The following SAMD4A variants were observed in gnomAD, a reference collection of about 807,000 sequenced individuals.
The protein encoded by SAMD4A is protein Smaug homolog 1.
A neutral mutation model predicts 81.3 loss-of-function variants in SAMD4A; 33 were observed. The ratio of observed to expected loss-of-function variants is 0.41; its 90% CI spans 0.31 to 0.54. The LOEUF (loss-of-function observed/expected upper bound fraction) is 0.54, where lower values mean the gene tolerates loss of function less well. SAMD4A is among the 20% of genes least tolerant of loss of function. The probability of loss-of-function intolerance (pLI) is 0.37; values close to 1 mark genes in which losing one functional copy is unlikely to be tolerated. For synonymous variants in SAMD4A, 389 were observed against 382.1 expected (o/e 1.02, Z -0.21); for missense variants, 854 against 951.1 (o/e 0.90, Z 1.34).
chr14:54,599,399 C>T (rs1301003612), intron 2 of SAMD4A, among the ~76,000 whole-genome samples: 1 of 152,120 alleles, frequency 6.6e-6, no homozygotes, highest in Non-Finnish European at 1.5e-5. Flanking sequence ...ACCTGAGCAC[C>T]TTATTTTTTC....
At chr14:54,763,890 G>C (rs144590558) in intron 7 of SAMD4A, among the ~76,000 whole-genome samples, 1 of 152,162 alleles carries the variant, frequency 6.6e-6, no homozygotes, top group African/African-American at 2.4e-5. Context: ...GCCTGCGCCT[G>C]TGTGTGCATA....
rs1244022043 is a variant in SAMD4A, at chr14:54,784,683, A to T, written c.2128+63A>T. 28 of 1,424,620 alleles carry T rather than the reference A, an allele frequency of 2.0e-5. No individual in the cohort carries two copies. The South Asian group carries it at 2.9e-4, about 15-fold the overall frequency. 88.2% of individuals were successfully genotyped at this position (1,424,620 alleles called of 1,614,324 possible). ...TACCGTGTGCCTGGGAGAACTGGCC[A>T]TCTGCTGTCTATACCGTGGCAGGAG... On this transcript the variant is annotated intron_variant, in intron 12 of 12. Transcript: ENST00000554335.
intron 2 of SAMD4A, among the ~76,000 whole-genome samples, chr14:54,683,417 C>T (rs1838316426): frequency 6.6e-6 from 1 of 152,180 alleles, no homozygotes; most frequent in South Asian, 2.1e-4. Flanking sequence ...AGGAAAAATG[C>T]TGGTCATGAG....
chr14:54,655,859 A>G (rs1445120601), intron 2 of SAMD4A, among the ~76,000 whole-genome samples: 1 of 152,204 alleles, frequency 6.6e-6, no homozygotes, highest in Non-Finnish European at 1.5e-5. Context: ...TTTCACCACC[A>G]TTTTATCATC....
At chr14:54,684,639 A>G (rs1299606461) in intron 2 of SAMD4A, among the ~76,000 whole-genome samples, 1 of 121,934 alleles carries the variant, frequency 8.2e-6, no homozygotes, top group East Asian at 2.9e-4. Flanking sequence ...GAAACGGGAA[A>G]CCTATGGAAA....
chr14:54,590,618 T>C (rs2033748982), intron 2 of SAMD4A, among the ~76,000 whole-genome samples: 1 of 152,212 alleles, frequency 6.6e-6, no homozygotes, highest in Non-Finnish European at 1.5e-5. Flanking sequence ...TCTCCTCTCT[T>C]CTCCTCTCCT....
At chr14:54,662,815 C>T (rs186766408) in intron 2 of SAMD4A, among the ~76,000 whole-genome samples, 24 of 152,212 alleles carry the variant, frequency 1.6e-4, no homozygotes, top group African/African-American at 3.4e-4. Context: ...TATGGCCCTG[C>T]GATTCCTACA....
At chr14:54,620,355 GCATCATCAT>G (rs34908548) in intron 2 of SAMD4A, among the ~76,000 whole-genome samples, 3 of 150,952 alleles carry the variant, frequency 2.0e-5, no homozygotes, top group Non-Finnish European at 4.4e-5. Flanking sequence ...CCATGTTGGA[GCATCATCAT>G]CATCATCATC....
upstream of SAMD4A, among the ~76,000 whole-genome samples, chr14:54,565,944 C>A (rs1449449021): frequency 6.6e-6 from 1 of 151,940 alleles, no homozygotes; most frequent in Non-Finnish European, 1.5e-5. This position sits in a 1 kb window ranked among gnomAD's most constrained non-coding sequence, Gnocchi z 5.4. Flanking sequence ...AGGAATCCGT[C>A]CCCCCGCCCT....
intron 2 of SAMD4A, among the ~76,000 whole-genome samples, chr14:54,626,076 G>GCA (rs1491402502): frequency 3.5e-5 from 5 of 141,752 alleles, no homozygotes; most frequent in South Asian, 2.2e-4. Context: ...GCGCGCGCGC[G>GCA]AGTGCGCACA....
At position 54,792,894 on chromosome 14, in the gene SAMD4A, T is replaced by C. The variant is rs2039283200; in HGVS notation, c.*3950T>C. 6.6e-6 allele frequency: 1 copy of C among 152,206 alleles called. No homozygotes were observed. Among genetic ancestry groups the C allele is most frequent in the South Asian group, 2.1e-4 (1 of 4,832 alleles). 9.4% of individuals were successfully genotyped at this position (152,206 alleles called of 1,614,324 possible). On this transcript the variant is annotated 3_prime_UTR_variant, in exon 13 of 13. Coordinates refer to ENST00000554335, the MANE Select transcript of SAMD4A (RefSeq NM_015589.6). ...TATATAATCCTCATGTATTTATGCCTAATGTAAGCTGACTTTTAAAAAGCT... is the reference window on the plus strand; with the variant it reads ...TATATAATCCTCATGTATTTATGCCCAATGTAAGCTGACTTTTAAAAAGCT...
intron 2 of SAMD4A, among the ~76,000 whole-genome samples, chr14:54,659,102 C>A (rs545773002): frequency 2.0e-5 from 3 of 152,214 alleles, no homozygotes; most frequent in Non-Finnish European, 4.4e-5. Flanking sequence ...AGTACTATAT[C>A]CTGTTTCTGA....
At position 54,619,062 on chromosome 14, in the gene SAMD4A, C is replaced by A. The variant is rs149684079; in HGVS notation, c.196+50950C>A. Among the ~76,000 whole-genome samples, 3 of 152,028 alleles carry A rather than the reference C, an allele frequency of 2.0e-5. 1 individual carries two copies. In the East Asian group the frequency reaches 5.8e-4, roughly 29 times the overall value. On this transcript the variant is annotated intron_variant, in intron 2 of 12. Transcript: ENST00000554335. Reference sequence around the variant, plus strand: ...TGTTTTGAGGGTAAATTTATAGAATCATTTCCAATGTGTAGACAACTGCCA... The same window carrying A: ...TGTTTTGAGGGTAAATTTATAGAATAATTTCCAATGTGTAGACAACTGCCA...
rs1323904804 is a variant in SAMD4A, at chr14:54,790,681, T to TGTGG, written c.*1740_*1741insGGTG. The TGTGG allele has an allele frequency of 2.1e-5, 3 of 145,204 alleles. No homozygotes were observed. Among genetic ancestry groups the TGTGG allele is most frequent in the African/African-American group, 7.5e-5 (3 of 39,750 alleles). The allele number at this position is 145,204 out of a possible 1,614,324, so 9.0% of individuals were successfully genotyped here. A position where few individuals can be genotyped will look rare whatever the true frequency, so the allele number is the denominator to read the frequency against. ...TGAGTCGGGTGCCTGGTTGTGTGTG[T>TGTGG]GTGTGTGTGTGTGTGTGTGTGTGTG... On this transcript the variant is annotated 3_prime_UTR_variant, in exon 13 of 13. Transcript: ENST00000554335.
At chr14:54,596,462 G>A (rs2033913902) in intron 2 of SAMD4A, among the ~76,000 whole-genome samples, 1 of 152,182 alleles carries the variant, frequency 6.6e-6, no homozygotes, top group Non-Finnish European at 1.5e-5. Flanking sequence ...GTGCGTGCCT[G>A]TAATCCCAGC....
intron 5 of SAMD4A, among the ~76,000 whole-genome samples, chr14:54,749,686 C>T (rs571658128): frequency 3.3e-5 from 5 of 152,330 alleles, no homozygotes; most frequent in Admixed American, 6.5e-5. Flanking sequence ...TTTCCTACCA[C>T]GCTGTGCTCG....
At chr14:54,784,420 C>CT (rs1415561521) in intron 11 of SAMD4A, 117 bp from the exon 12 acceptor site, 5 of 1,606,946 alleles carry the variant, frequency 3.1e-6, no homozygotes, top group South Asian at 2.2e-5. Flanking sequence ...CATGCCAGCG[C>CT]TGACAGTCCC....
At chr14:54,748,370 T>C (rs890942049) in intron 4 of SAMD4A, among the ~76,000 whole-genome samples, 3 of 152,248 alleles carry the variant, frequency 2.0e-5, no homozygotes, top group Admixed American at 2.0e-4. Context: ...TCTGCTCATG[T>C]AGCTCTAACA....
intron 3 of SAMD4A, among the ~76,000 whole-genome samples, chr14:54,719,002 C>CAA (rs796869797): frequency 5.6e-5 from 7 of 125,390 alleles, no homozygotes; most frequent in East Asian, 2.2e-4. Flanking sequence ...AACTCCATCT[C>CAA]AAAAAAAAAA....
Sources: gnomAD v4.1 joint callset for allele counts (sites outside exome capture counted in the v4.1 genomes callset) on GRCh38, gnomAD v4.1.1 for gene constraint, Gnocchi (gnomAD v3.1) non-coding constraint, MANE v1.5 for transcripts, NCBI Gene and HGNC (gene_info 2026-07-23, HGNC 2026-07-21) for gene names.